Variants in SH3PXD2B observed in about 807,000 individuals in gnomAD.
The protein encoded by SH3PXD2B is SH3 and PX domain-containing protein 2B.
In SH3PXD2B, 37 loss-of-function variants were observed where a neutral mutation model predicts 73.1. The ratio of observed to expected loss-of-function variants is 0.51; its 90% confidence interval spans 0.39 to 0.67. SH3PXD2B has a LOEUF of 0.67. Among genes scored for constraint, SH3PXD2B ranks in the 30% least tolerant of loss-of-function variants. SH3PXD2B has a pLI of 0.00. For missense variants in SH3PXD2B, 1,053 were observed against 1,197.8 expected, an observed-to-expected ratio of 0.88 and a Z score of 1.78; for synonymous variants, 457 against 480.5, an observed-to-expected ratio of 0.95 and a Z score of 0.64.
intron 5 of SH3PXD2B, among the ~76,000 whole-genome samples, chr5:172,378,828 T>A (rs1270162735): frequency 6.6e-6 from 1 of 152,132 alleles, no homozygotes; most frequent in African/African-American, 2.4e-5. Context: ...CCCAGCACTT[T>A]GGGAGGCCAA....
In SH3PXD2B at chr5:172,338,789, G is replaced by A; in HGVS notation, c.2316C>T (p.Ser772=). 6.2e-7 allele frequency: 1 copy of A among 1,614,198 alleles called. No homozygotes were observed. The highest frequency in any genetic ancestry group is 8.5e-7 in the Non-Finnish European group (1 of 1,180,032). The change falls in exon 13 of 13, where the codon TCC becomes TCT. Residue 772 remains serine, a synonymous_variant. Transcript: ENST00000311601. The surrounding 1 kb of genome is among the most constrained non-coding windows in gnomAD (Gnocchi z 5.1). ...GACCTCTGACCTCTGGGAGCGGCCT[G>A]GATGACGAAGAGGTTTTCTTTGGGG... ...PPPPKKTSSS[S]RPLPEVRGPQ...
chr5:172,371,424 G>C (rs1464602382), intron 6 of SH3PXD2B, among the ~76,000 whole-genome samples: 1 of 152,234 alleles, frequency 6.6e-6, no homozygotes, highest in Non-Finnish European at 1.5e-5. Context: ...GCCAGAGGCA[G>C]ATAAGCCTTC....
At chr5:172,417,225 T>C (rs1488969810) in intron 2 of SH3PXD2B, among the ~76,000 whole-genome samples, 3 of 152,214 alleles carry the variant, frequency 2.0e-5, no homozygotes, top group Non-Finnish European at 4.4e-5. Flanking sequence ...CTACTTTCAG[T>C]CCCCAGGTTG....
intron 4 of SH3PXD2B, among the ~76,000 whole-genome samples, chr5:172,389,589 A>AAT (rs56751469): frequency 1.3e-5 from 2 of 150,654 alleles, no homozygotes; most frequent in African/African-American, 4.9e-5. Flanking sequence ...AAAAAAAAAA[A>AAT]TTGGTATGTG....
chr5:172,404,208 C>T (rs1024748578), intron 3 of SH3PXD2B, among the ~76,000 whole-genome samples: 1 of 152,154 alleles, frequency 6.6e-6, no homozygotes, highest in Admixed American at 6.6e-5. Flanking sequence ...CTGAAGAACC[C>T]ACTATGTTCT....
intron 2 of SH3PXD2B, among the ~76,000 whole-genome samples, chr5:172,418,188 CT>C (rs1758871208): frequency 6.6e-6 from 1 of 152,178 alleles, no homozygotes; most frequent in Non-Finnish European, 1.5e-5. Flanking sequence ...CTCTCTGAGC[CT>C]GGGTTTCTTC....
intron 5 of SH3PXD2B, among the ~76,000 whole-genome samples, chr5:172,379,422 AC>A (rs1757895119): frequency 6.6e-6 from 1 of 151,900 alleles, no homozygotes; most frequent in South Asian, 2.1e-4. Context: ...TTCACCAGGC[AC>A]TGAAATAGCT....
intron 5 of SH3PXD2B, among the ~76,000 whole-genome samples, chr5:172,378,459 TC>T: frequency 6.6e-6 from 1 of 152,218 alleles, no homozygotes; most frequent in African/African-American, 2.4e-5. Context: ...TCCATGATGC[TC>T]CCCAAAGTTA....
intron 11 of SH3PXD2B, 40 bp from the exon 12 acceptor site, chr5:172,346,301 G>T: frequency 1.2e-6 from 2 of 1,612,240 alleles, no homozygotes; most frequent in South Asian, 1.1e-5. Flanking sequence ...AAGGCTAAGT[G>T]CACTCCTGCG....
chr5:172,406,712 T>C (rs1581314566), intron 2 of SH3PXD2B, among the ~76,000 whole-genome samples: 1 of 152,104 alleles, frequency 6.6e-6, no homozygotes, highest in Non-Finnish European at 1.5e-5. Context: ...TGGGTTGAGG[T>C]AAGGAATAAA....
chr5:172,357,200 G>C (rs922326429), intron 8 of SH3PXD2B, among the ~76,000 whole-genome samples: 1 of 150,744 alleles, frequency 6.6e-6, no homozygotes, highest in Non-Finnish European at 1.5e-5. Context: ...AAGGTGGGCA[G>C]ATCACTTGAG....
At chr5:172,435,596 A>G (rs1759369453) in intron 1 of SH3PXD2B, among the ~76,000 whole-genome samples, 2 of 151,970 alleles carry the variant, frequency 1.3e-5, no homozygotes, top group Non-Finnish European at 2.9e-5. Context: ...CTAATAAACA[A>G]ATTTTTTTGT....
intron 2 of SH3PXD2B, among the ~76,000 whole-genome samples, chr5:172,407,737 G>C (rs1407533006): frequency 1.3e-5 from 2 of 152,226 alleles, no homozygotes; most frequent in Admixed American, 6.5e-5. Flanking sequence ...AGGCATTTGG[G>C]GAGGGAGGGG....
Position 172,335,265 on chromosome 5 carries a change from T to C in SH3PXD2B, c.*3104A>G, listed in dbSNP as rs1756660081. On this transcript the variant is annotated 3_prime_UTR_variant, in exon 13 of 13. Transcript: ENST00000311601. Reference sequence around the variant, plus strand: ...GAAGAAAAAAAAATCTCTGCCCACCTTTTGGGCTGCCATTTGGCCTGTGAC... The same window carrying C: ...GAAGAAAAAAAAATCTCTGCCCACCCTTTGGGCTGCCATTTGGCCTGTGAC... 1.8e-6 allele frequency: 2 copies of C among 1,098,868 alleles called. No individual in the cohort carries two copies. Among genetic ancestry groups the C allele is most frequent in the South Asian group, 4.5e-5 (1 of 22,258 alleles). 68.1% of individuals were successfully genotyped at this position (1,098,868 alleles called of 1,614,324 possible). A position where few individuals can be genotyped will look rare whatever the true frequency, so the allele number is the denominator to read the frequency against.
At chr5:172,365,659 G>A (rs553554770) in intron 6 of SH3PXD2B, among the ~76,000 whole-genome samples, 58 of 152,296 alleles carry the variant, frequency 3.8e-4, no homozygotes, top group Non-Finnish European at 7.6e-4. Context: ...GCCCAGCCAC[G>A]TGAGCAGTGG....
At chr5:172,416,015 G>A (rs1457842945) in intron 2 of SH3PXD2B, among the ~76,000 whole-genome samples, 2 of 152,200 alleles carry the variant, frequency 1.3e-5, no homozygotes, top group Non-Finnish European at 2.9e-5. Context: ...AAACCAAGTT[G>A]GAAGGTGAAT....
At chr5:172,342,776 C>T (rs562611433) in intron 12 of SH3PXD2B, among the ~76,000 whole-genome samples, 1 of 152,156 alleles carries the variant, frequency 6.6e-6, no homozygotes, top group African/African-American at 2.4e-5. Flanking sequence ...AAAAAAAGAC[C>T]CTGCTTGGAG....
At chr5:172,369,337 TAG>T (rs1757650464) in intron 6 of SH3PXD2B, among the ~76,000 whole-genome samples, 1 of 152,152 alleles carries the variant, frequency 6.6e-6, no homozygotes. Context: ...GTAGTAGTGA[TAG>T]AGACTGTATG....
chr5:172,432,556 C>T (rs1312755021), intron 1 of SH3PXD2B, among the ~76,000 whole-genome samples: 5 of 152,136 alleles, frequency 3.3e-5, no homozygotes, highest in Admixed American at 6.5e-5. Flanking sequence ...AAAAGTGCTT[C>T]GAGTATCGCT....
Sources: gnomAD v4.1 joint callset for allele counts (sites outside exome capture counted in the v4.1 genomes callset) on GRCh38, gnomAD v4.1.1 for gene constraint, Gnocchi (gnomAD v3.1) non-coding constraint, MANE v1.5 for transcripts, NCBI Gene and HGNC (gene_info 2026-07-23, HGNC 2026-07-21) for gene names.